Variants in NELL2 observed in about 807,000 individuals in gnomAD.
NELL2 encodes the protein protein kinase C-binding protein NELL2.
Under a neutral mutation model 109.6 loss-of-function variants are expected in NELL2, and 41 were observed. The observed-to-expected ratio is 0.37, with a 90% CI of 0.29 to 0.49. NELL2 has a LOEUF of 0.49. Among genes scored for constraint, NELL2 ranks in the 20% least tolerant of loss-of-function variants. The pLI is 0.98. For missense variants in NELL2, 900 were observed against 1,008.3 expected, an observed-to-expected ratio of 0.89 and a Z score of 1.45; for synonymous variants, 355 against 344.7, an observed-to-expected ratio of 1.03 and a Z score of -0.33.
intron 15 of NELL2, among the ~76,000 whole-genome samples, chr12:44,548,349 C>T (rs1361033625): frequency 6.6e-6 from 1 of 151,838 alleles, no homozygotes; most frequent in Non-Finnish European, 1.5e-5. Context: ...AGAAGGATCG[C>T]CTGGCCAACA....
At chr12:44,588,832 C>T (rs894078173) in intron 15 of NELL2, among the ~76,000 whole-genome samples, 2 of 152,148 alleles carry the variant, frequency 1.3e-5, no homozygotes, top group Non-Finnish European at 2.9e-5. Context: ...TAAACAGGAA[C>T]TCTGTATCCA....
At chr12:44,529,526 G>A (rs1592073924) in intron 16 of NELL2, among the ~76,000 whole-genome samples, 2 of 152,092 alleles carry the variant, frequency 1.3e-5, no homozygotes, top group East Asian at 3.9e-4. Context: ...GGTTGACTTA[G>A]GGATTGAGAA....
At chr12:44,672,805 C>T (rs1263453555) in intron 12 of NELL2, among the ~76,000 whole-genome samples, 1 of 152,168 alleles carries the variant, frequency 6.6e-6, no homozygotes, top group East Asian at 1.9e-4. Context: ...CTTCTAAAAA[C>T]TGTCTCTCAA....
chr12:44,543,027 C>G (rs1030764309), intron 15 of NELL2, among the ~76,000 whole-genome samples: 3 of 152,000 alleles, frequency 2.0e-5, no homozygotes, highest in Admixed American at 2.0e-4. Context: ...TTTAAGCTAC[C>G]CAGTTTGTGG....
intron 19 of NELL2, among the ~76,000 whole-genome samples, chr12:44,516,250 G>A (rs1310783541): frequency 2.6e-5 from 4 of 151,856 alleles, no homozygotes; most frequent in Admixed American, 6.6e-5. Flanking sequence ...GGATATTTTC[G>A]TTTCTTCCTT....
At chr12:44,790,861 G>A (rs907460417) in intron 3 of NELL2, among the ~76,000 whole-genome samples, 3 of 151,408 alleles carry the variant, frequency 2.0e-5, no homozygotes, top group East Asian at 2.0e-4. Flanking sequence ...AGCAAGGGTA[G>A]CTATTCTTCT....
intron 12 of NELL2, among the ~76,000 whole-genome samples, chr12:44,681,309 C>T (rs920835815): frequency 8.7e-5 from 13 of 149,758 alleles, no homozygotes; most frequent in Non-Finnish European, 1.5e-4. Context: ...ACACTGTATA[C>T]GTTTTAATCA....
chr12:44,899,785 C>T (rs577442978), intron 1 of NELL2, among the ~76,000 whole-genome samples: 1 of 152,074 alleles, frequency 6.6e-6, no homozygotes, highest in Non-Finnish European at 1.5e-5. Flanking sequence ...TGTAAATGGG[C>T]TAAATTGCCC....
At chr12:44,625,031 T>TATAC (rs1946200497) in intron 13 of NELL2, among the ~76,000 whole-genome samples, 1 of 144,854 alleles carries the variant, frequency 6.9e-6, no homozygotes, top group Non-Finnish European at 1.5e-5. Flanking sequence ...TATATATATA[T>TATAC]ATTTCTGAAC....
intron 1 of NELL2, among the ~76,000 whole-genome samples, chr12:44,892,450 A>G (rs957754530): frequency 6.6e-6 from 1 of 152,166 alleles, no homozygotes; most frequent in African/African-American, 2.4e-5. Flanking sequence ...CCTTTAAACA[A>G]TCATCAAAAA....
intron 9 of NELL2, among the ~76,000 whole-genome samples, chr12:44,759,415 C>G (rs912282723): frequency 6.6e-6 from 1 of 152,156 alleles, no homozygotes; most frequent in East Asian, 1.9e-4. Context: ...AAATTTGCAA[C>G]TATCATATAA....
intron 15 of NELL2, among the ~76,000 whole-genome samples, chr12:44,600,304 C>T (rs1434485053): frequency 6.6e-6 from 1 of 151,480 alleles, no homozygotes; most frequent in African/African-American, 2.4e-5. Context: ...CCACCGCGCC[C>T]GGCCGGAAAA....
intron 3 of NELL2, among the ~76,000 whole-genome samples, chr12:44,788,512 G>A (rs11532516): frequency 0.2 from 30,374 of 152,126 alleles, 3,313 homozygotes; most frequent in South Asian, 0.3. Flanking sequence ...GGCCCTGGGA[G>A]CTCACTGAGT....
At chr12:44,756,904 C>T (rs1179928486) in intron 9 of NELL2, among the ~76,000 whole-genome samples, 1 of 152,106 alleles carries the variant, frequency 6.6e-6, no homozygotes, top group East Asian at 1.9e-4. Context: ...CCAATGACAC[C>T]CATATTTATA....
intron 15 of NELL2, among the ~76,000 whole-genome samples, chr12:44,540,308 C>A (rs993673336): frequency 1.5e-4 from 23 of 152,058 alleles, no homozygotes; most frequent in African/African-American, 5.3e-4. Flanking sequence ...AAGTATAATA[C>A]ATTTTTGTAT....
chr12:44,680,396 C>G (rs947182614), intron 12 of NELL2, among the ~76,000 whole-genome samples: 1 of 152,126 alleles, frequency 6.6e-6, no homozygotes, highest in African/African-American at 2.4e-5. Context: ...ACTACATTTC[C>G]TCTTGAAGAT....
chr12:44,620,253 A>C (rs1946005048), intron 13 of NELL2, among the ~76,000 whole-genome samples: 1 of 152,030 alleles, frequency 6.6e-6, no homozygotes, highest in Non-Finnish European at 1.5e-5. Context: ...TCTTCACCTC[A>C]AATCTGTTTA....
intron 15 of NELL2, among the ~76,000 whole-genome samples, chr12:44,553,286 G>GAAA (rs59332982): frequency 0.047 from 6,841 of 145,734 alleles, 228 homozygotes; most frequent in Middle Eastern, 0.097. Flanking sequence ...AATAAAAAAA[G>GAAA]AAAAAAAAAA....
At chr12:44,676,520 T>C (rs2136359929) in intron 12 of NELL2, among the ~76,000 whole-genome samples, 1 of 152,264 alleles carries the variant, frequency 6.6e-6, no homozygotes, top group Non-Finnish European at 1.5e-5. Context: ...TCTGAATGTA[T>C]GATTGAAGGA....
Sources: allele counts gnomAD v4.1 joint callset (sites outside exome capture counted in the v4.1 genomes callset), GRCh38; gene constraint gnomAD v4.1.1; transcripts MANE v1.5; gene names NCBI Gene and HGNC (gene_info 2026-07-23, HGNC 2026-07-21).